ESF1: variants seen among roughly 807,000 people sequenced by gnomAD.
ESF1 encodes the protein ESF1 nucleolar pre-rRNA processing protein.
In ESF1, 58 loss-of-function variants were observed where a neutral mutation model predicts 92.0. The ratio of observed to expected loss-of-function variants is 0.63; its 90% CI spans 0.51 to 0.78. The LOEUF is 0.78. Among genes scored for constraint, ESF1 ranks in the 30% least tolerant of loss-of-function variants. ESF1 has a pLI of 0.00. For missense variants in ESF1, 922 were observed against 989.1 expected, an observed-to-expected ratio of 0.93 and a Z score of 0.91; for synonymous variants, 321 against 313.7, an observed-to-expected ratio of 1.02 and a Z score of -0.24.
In ESF1 at chr20:13,750,556, T is replaced by C. The variant is rs189718687; in HGVS notation, c.1828+9136A>G. Among the ~76,000 whole-genome samples the C allele has an allele frequency of 3.7e-3, 570 of 152,262 alleles. 3 individuals carry two copies. The highest frequency in any genetic ancestry group is 0.013 in the African/African-American group (522 of 41,558). ...AGTAAAGTACTTACACCCTATCCTT[T>C]ACTTGGCTCCAAAACCTGAACCTAT... is the stretch of plus-strand genomic sequence containing the variant. On this transcript the variant is annotated intron_variant, in intron 9 of 13. Transcript: ENST00000617257.
At chr20:13,720,923 C>A (rs1194326952) in intron 11 of ESF1, among the ~76,000 whole-genome samples, 1 of 152,148 alleles carries the variant, frequency 6.6e-6, no homozygotes, top group Non-Finnish European at 1.5e-5. Flanking sequence ...GAGTTTGAGA[C>A]CAGCATGGCC....
chr20:13,751,050 A>C (rs1391750591), intron 9 of ESF1, among the ~76,000 whole-genome samples: 1 of 152,268 alleles, frequency 6.6e-6, no homozygotes, highest in East Asian at 1.9e-4. Flanking sequence ...AGAAAATGTA[A>C]TAAAAGGTTA....
At chr20:13,776,406 A>G (rs1979945293) in intron 2 of ESF1, 136 bp from the exon 3 acceptor site, 1 of 823,642 alleles carries the variant, frequency 1.2e-6, no homozygotes, top group Admixed American at 3.2e-5. Flanking sequence ...ATATTCAGTA[A>G]ATGCTTAGTC....
intron 10 of ESF1, among the ~76,000 whole-genome samples, chr20:13,730,585 T>C (rs1273458562): frequency 1.3e-5 from 2 of 151,778 alleles, no homozygotes; most frequent in South Asian, 2.1e-4. Flanking sequence ...GGGGTTTCAC[T>C]GTGTTAGCCA....
At chr20:13,770,293 T>A (rs1253967680) in intron 6 of ESF1, among the ~76,000 whole-genome samples, 1 of 152,182 alleles carries the variant, frequency 6.6e-6, no homozygotes, top group Non-Finnish European at 1.5e-5. Context: ...AGTTAATGAG[T>A]CAGGTGCAAG....
At chr20:13,730,631 G>T (rs189737354) in intron 10 of ESF1, among the ~76,000 whole-genome samples, 1 of 151,720 alleles carries the variant, frequency 6.6e-6, no homozygotes, top group South Asian at 2.1e-4. Context: ...TGATCCGCCC[G>T]CCTCGGCCTC....
At chr20:13,753,087 G>C (rs781041797) in intron 9 of ESF1, among the ~76,000 whole-genome samples, 1 of 151,958 alleles carries the variant, frequency 6.6e-6, no homozygotes, top group African/African-American at 2.4e-5. Context: ...GCTTTAAGAC[G>C]ATCAAAACTA....
intron 11 of ESF1, among the ~76,000 whole-genome samples, chr20:13,724,369 C>G (rs1203261752): frequency 6.6e-6 from 1 of 152,198 alleles, no homozygotes; most frequent in Non-Finnish European, 1.5e-5. Flanking sequence ...GTCCAACTCT[C>G]TTTAAGAGTA....
chr20:13,754,707 T>C (rs898133011), intron 9 of ESF1, among the ~76,000 whole-genome samples: 36 of 152,180 alleles, frequency 2.4e-4, no homozygotes, highest in African/African-American at 8.4e-4. Context: ...TCTACTTATC[T>C]ATAGCAGCAA....
At chr20:13,737,137 C>A (rs1459066390) in intron 9 of ESF1, among the ~76,000 whole-genome samples, 1 of 152,186 alleles carries the variant, frequency 6.6e-6, no homozygotes, top group African/African-American at 2.4e-5. Context: ...TTCATTGTAA[C>A]TGCTTTTAGT....
intron 4 of ESF1, among the ~76,000 whole-genome samples, chr20:13,774,312 G>T (rs549320860): frequency 6.6e-6 from 1 of 152,108 alleles, no homozygotes; most frequent in Non-Finnish European, 1.5e-5. Context: ...GTCAACGTGA[G>T]GTTCAAAGGA....
intron 11 of ESF1, among the ~76,000 whole-genome samples, chr20:13,724,646 C>T (rs2049889458): frequency 6.6e-6 from 1 of 152,316 alleles, no homozygotes; most frequent in East Asian, 1.9e-4. Context: ...TCTATTTGAG[C>T]ATATACATGA....
intron 10 of ESF1, 137 bp from the exon 11 acceptor site, chr20:13,728,602 C>G (rs1218796038): frequency 1.4e-6 from 1 of 708,498 alleles, no homozygotes; most frequent in Non-Finnish European, 2.3e-6. Context: ...CGTGGTGGCT[C>G]ACGCCTGTAA....
chr20:13,749,232 A>ATTTTTTTTTTT (rs71188184), intron 9 of ESF1, among the ~76,000 whole-genome samples: 14 of 89,682 alleles, frequency 1.6e-4, no homozygotes, highest in East Asian at 1.1e-3. Flanking sequence ...TGCCCGGCTA[A>ATTTTTTTTTTT]TTTTTTTTTT....
chr20:13,734,977 A>C (rs1024483744), intron 9 of ESF1, among the ~76,000 whole-genome samples: 3 of 152,124 alleles, frequency 2.0e-5, no homozygotes, highest in Admixed American at 2.0e-4. Flanking sequence ...ATTATCAGAT[A>C]CATCTAAAAT....
intron 11 of ESF1, among the ~76,000 whole-genome samples, chr20:13,725,023 T>G (rs1032941282): frequency 1.3e-5 from 2 of 152,094 alleles, no homozygotes; most frequent in African/African-American, 4.8e-5. Flanking sequence ...ATACGCCCCA[T>G]CTTTCTCCAT....
rs78007079 is a variant in ESF1 at position 13,778,223 on chromosome 20, C to T, written c.638-1953G>A. On this transcript the variant is annotated intron_variant, in intron 2 of 13. Coordinates refer to ENST00000617257, the MANE Select transcript of ESF1 (RefSeq NM_001276380.2). ...ATGGGCTTTTATGTTACCACCACAA[C>T]GAAGCAGGGATTAATAAAAATAACT... 8.5e-3 allele frequency among the ~76,000 whole-genome samples: 1,288 copies of T among 152,110 alleles called. 10 individuals are homozygous for T. The highest frequency in any genetic ancestry group is 0.014 in the Non-Finnish European group (925 of 67,982).
chr20:13,723,746 T>C (rs552491566), intron 11 of ESF1, among the ~76,000 whole-genome samples: 7 of 152,338 alleles, frequency 4.6e-5, no homozygotes, highest in African/African-American at 1.7e-4. Context: ...CCAAGTCATC[T>C]GGTTTACAAT....
rs527910934 is a variant in ESF1, at chr20:13,776,346, T to C, written c.638-76A>G. ...AAACTGAATCCAAATTATCTTGACATCAACTCCAGTAAAAATATAATTTCT... is the reference window on the plus strand; with the variant it reads ...AAACTGAATCCAAATTATCTTGACACCAACTCCAGTAAAAATATAATTTCT... On this transcript the variant is annotated intron_variant, in intron 2 of 13. Coordinates refer to ENST00000617257, the MANE Select transcript of ESF1 (RefSeq NM_001276380.2). 6.8e-6 allele frequency: 9 copies of C among 1,319,940 alleles called. No individual in the cohort carries two copies. The Admixed American group carries it at 9.5e-5, about 14-fold the overall frequency. The allele number at this position is 1,319,940 out of a possible 1,614,324, so 81.8% of individuals were successfully genotyped here. A position where few individuals can be genotyped will look rare whatever the true frequency, so the allele number is the denominator to read the frequency against.
Sources: gnomAD v4.1 joint callset for allele counts (sites outside exome capture counted in the v4.1 genomes callset) on GRCh38, gnomAD v4.1.1 for gene constraint, MANE v1.5 for transcripts, NCBI Gene and HGNC (gene_info 2026-07-23, HGNC 2026-07-21) for gene names.